Variants in SGCD observed in about 807,000 individuals in gnomAD.
SGCD encodes the protein delta-sarcoglycan.
Under a neutral mutation model 36.6 loss-of-function variants are expected in SGCD, and 18 were observed. That is an observed-to-expected ratio of 0.49 (90% CI 0.34 to 0.73). The LOEUF (loss-of-function observed/expected upper bound fraction) is 0.73. Among genes scored for constraint, SGCD ranks in the 30% least tolerant of loss-of-function variants. The pLI, the probability that SGCD is intolerant of heterozygous loss-of-function variation, is 0.01. For missense variants in SGCD, 387 were observed against 346.7 expected (o/e 1.12, Z -0.92); for synonymous variants, 133 against 130.6 (o/e 1.02, Z -0.12).
chr5:156,704,906 AAAAG>A (rs1330819857), intron 7 of SGCD, among the ~76,000 whole-genome samples: 2 of 152,016 alleles, frequency 1.3e-5, no homozygotes, highest in African/African-American at 4.8e-5. Context: ...TTAAAAAAAA[AAAAG>A]AAAGACTTTC....
intron 3 of SGCD, among the ~76,000 whole-genome samples, chr5:156,353,963 G>A (rs866088079): frequency 7.9e-5 from 12 of 152,232 alleles, no homozygotes; most frequent in Non-Finnish European, 1.2e-4. Flanking sequence ...CAAAGCTGCT[G>A]TAAAGTTATA....
chr5:156,748,072 C>G (rs1241642302), intron 7 of SGCD, among the ~76,000 whole-genome samples: 3 of 152,114 alleles, frequency 2.0e-5, no homozygotes, highest in African/African-American at 4.8e-5. Context: ...GAATGAACAA[C>G]TGATGAACAG....
At chr5:156,731,264 C>T (rs965937717) in intron 7 of SGCD, among the ~76,000 whole-genome samples, 1 of 151,998 alleles carries the variant, frequency 6.6e-6, no homozygotes, top group Non-Finnish European at 1.5e-5. Flanking sequence ...TTAATTAGAT[C>T]TCATTTGTCA....
At chr5:156,557,583 T>C (rs1759079027) in intron 4 of SGCD, among the ~76,000 whole-genome samples, 1 of 152,172 alleles carries the variant, frequency 6.6e-6, no homozygotes. Flanking sequence ...GCTTTTAAAA[T>C]ATAGCAGAAT....
At chr5:156,553,066 C>G (rs1390997553) in intron 4 of SGCD, among the ~76,000 whole-genome samples, 1 of 152,130 alleles carries the variant, frequency 6.6e-6, no homozygotes, top group African/African-American at 2.4e-5. Context: ...GGGCAGCCAG[C>G]GTGTGTGGAG....
intron 7 of SGCD, among the ~76,000 whole-genome samples, chr5:156,672,539 C>G (rs916577663): frequency 6.6e-6 from 1 of 152,202 alleles, no homozygotes; most frequent in East Asian, 1.9e-4. Context: ...TCTGTCTTCA[C>G]CAAACCCACA....
intron 1 of SGCD, among the ~76,000 whole-genome samples, chr5:156,043,635 C>A (rs1759690099): frequency 1.3e-5 from 2 of 152,068 alleles, no homozygotes; most frequent in Admixed American, 6.6e-5. Flanking sequence ...ACTGTGGAAA[C>A]CTTCAGTTCT....
intron 1 of SGCD, among the ~76,000 whole-genome samples, chr5:156,055,697 T>A (rs1172733082): frequency 1.4e-5 from 2 of 146,514 alleles, no homozygotes; most frequent in African/African-American, 4.9e-5. Context: ...AGATTTAAAC[T>A]AGCTGGATGC....
At chr5:156,370,269 G>C (rs1449030757) in intron 3 of SGCD, among the ~76,000 whole-genome samples, 1 of 152,200 alleles carries the variant, frequency 6.6e-6, no homozygotes, top group African/African-American at 2.4e-5. Flanking sequence ...GTGCCAAGAA[G>C]GCAGGGGTGT....
At chr5:156,194,704 A>G (rs1049745165) in intron 3 of SGCD, among the ~76,000 whole-genome samples, 1 of 152,096 alleles carries the variant, frequency 6.6e-6, no homozygotes, top group African/African-American at 2.4e-5. Flanking sequence ...GATGGATAAT[A>G]TGATATAGTA....
At chr5:156,176,162 T>C (rs1763466127) in intron 3 of SGCD, among the ~76,000 whole-genome samples, 1 of 152,024 alleles carries the variant, frequency 6.6e-6, no homozygotes, top group African/African-American at 2.4e-5. Context: ...TTTGTGTGCG[T>C]GTGGTGATCA....
intron 3 of SGCD, among the ~76,000 whole-genome samples, chr5:156,484,329 TAC>T (rs1755565887): frequency 6.6e-6 from 1 of 152,212 alleles, no homozygotes; most frequent in African/African-American, 2.4e-5. Context: ...TGCCATGTAC[TAC>T]ACTAGGTGAC....
chr5:156,218,971 G>A (rs1251771319), intron 3 of SGCD, among the ~76,000 whole-genome samples: 2 of 151,988 alleles, frequency 1.3e-5, no homozygotes, highest in African/African-American at 4.8e-5. Flanking sequence ...TTACTCACTC[G>A]CTGTCCTGTC....
chr5:155,987,808 G>C (rs766951156), intron 1 of SGCD, among the ~76,000 whole-genome samples: 1 of 152,070 alleles, frequency 6.6e-6, no homozygotes, highest in African/African-American at 2.4e-5. Flanking sequence ...ACTCTCTCCA[G>C]ATGGCCTTCT....
chr5:156,029,388 T>C (rs985532697), intron 1 of SGCD, among the ~76,000 whole-genome samples: 1 of 152,122 alleles, frequency 6.6e-6, no homozygotes, highest in Non-Finnish European at 1.5e-5. Flanking sequence ...TCACTCACCC[T>C]TATAGTTGTC....
At chr5:156,568,800 A>G (rs912614828) in intron 4 of SGCD, among the ~76,000 whole-genome samples, 1 of 152,252 alleles carries the variant, frequency 6.6e-6, no homozygotes, top group Non-Finnish European at 1.5e-5. Flanking sequence ...AAATGCATTA[A>G]TGAACCACAT....
chr5:156,381,890 A>T (rs1770999843), intron 3 of SGCD, among the ~76,000 whole-genome samples: 1 of 152,194 alleles, frequency 6.6e-6, no homozygotes, highest in Admixed American at 6.6e-5. Flanking sequence ...TAAAAATGGG[A>T]TAATAATAGT....
intron 1 of SGCD, among the ~76,000 whole-genome samples, chr5:156,068,096 ATATTTT>A (rs1326562666): frequency 6.7e-6 from 1 of 149,970 alleles, no homozygotes; most frequent in African/African-American, 2.5e-5. Context: ...CTAGAATTTT[ATATTTT>A]TATTTTTATT....
chr5:155,995,846 C>T (rs1186985870), intron 1 of SGCD, among the ~76,000 whole-genome samples: 2 of 151,664 alleles, frequency 1.3e-5, no homozygotes, highest in Non-Finnish European at 2.9e-5. Flanking sequence ...AAAAAGTTGC[C>T]TGGAAAATAA....
Sources: allele counts gnomAD v4.1 joint callset (sites outside exome capture counted in the v4.1 genomes callset), GRCh38; gene constraint gnomAD v4.1.1; transcripts MANE v1.5; gene names NCBI Gene and HGNC (gene_info 2026-07-23, HGNC 2026-07-21).